SREBF2: variants seen among roughly 807,000 people sequenced by gnomAD.
The protein encoded by SREBF2 is sterol regulatory element binding transcription factor 2, also known as sterol regulatory element-binding protein 2.
A neutral mutation model predicts 113.1 loss-of-function variants in SREBF2; 55 were observed. The observed-to-expected ratio is 0.49, with a 90% CI of 0.39 to 0.61. The LOEUF is 0.61. Among genes scored for constraint, SREBF2 ranks in the 20% least tolerant of loss-of-function variants. The probability of loss-of-function intolerance (pLI) is 0.00; values close to 1 mark genes in which losing one functional copy is unlikely to be tolerated. For missense variants in SREBF2, 1,349 were observed against 1,487.4 expected (o/e 0.91, Z 1.53); for synonymous variants, 593 against 605.7 (o/e 0.98, Z 0.31).
chr22:41,856,080 G>A (rs931584163), intron 1 of SREBF2, among the ~76,000 whole-genome samples: 2 of 151,902 alleles, frequency 1.3e-5, no homozygotes, highest in African/African-American at 4.8e-5. Flanking sequence ...ACTTTAAAGA[G>A]GCATATAACG....
chr22:41,866,878 T>C lies in SREBF2; in HGVS notation c.136T>C (p.Phe46Leu). The C allele has an allele frequency of 6.2e-7, 1 of 1,614,210 alleles. No individual in the cohort carries two copies. Among genetic ancestry groups the C allele is most frequent in the Admixed American group, 1.7e-5 (1 of 60,016 alleles). The change falls in exon 2 of 19, where the codon TTT (phenylalanine) becomes CTT (leucine). Residue 46 changes from phenylalanine to leucine, a missense_variant. Around this residue, in one of 2 missense-constraint regions of SREBF2, gnomAD observed 699 missense variants for 843.3 expected, o/e 0.83. Coordinates refer to ENST00000361204, the MANE Select transcript of SREBF2 (RefSeq NM_004599.4). ...SNQVGEFPDL[F>L]SEQLCSSFPG... ...TCAAGTGGGAGAGTTCCCTGACTTG[T>C]TTTCAGAACAGCTGTGTAGCTCCTT...
At chr22:41,855,024 A>G (rs1283957472) in intron 1 of SREBF2, among the ~76,000 whole-genome samples, 2 of 151,948 alleles carry the variant, frequency 1.3e-5, no homozygotes, top group Non-Finnish European at 2.9e-5. Context: ...AGCATTAAAA[A>G]AAAAAAAAAA....
chr22:41,900,244 C>T (rs996048047), intron 15 of SREBF2, 86 bp from the exon 16 acceptor site: 8 of 1,573,098 alleles, frequency 5.1e-6, no homozygotes, highest in Middle Eastern at 2.0e-4. Context: ...CAGTGTGGGG[C>T]GTGGCAGTCA....
intron 11 of SREBF2, among the ~76,000 whole-genome samples, chr22:41,886,746 T>C (rs1249956714): frequency 6.6e-6 from 1 of 152,134 alleles, no homozygotes; most frequent in Non-Finnish European, 1.5e-5. Context: ...GAAGTCTGGC[T>C]GGGAGGGCCG....
chr22:41,899,529 G>A (rs2148418559), intron 15 of SREBF2: 2 of 991,926 alleles, frequency 2.0e-6, no homozygotes, highest in Non-Finnish European at 2.4e-6. Context: ...ACCCTTAACC[G>A]GCGCACAGGA....
At chr22:41,865,148 C>A (rs201395046) in intron 1 of SREBF2, among the ~76,000 whole-genome samples, 3 of 26,608 alleles carry the variant, frequency 1.1e-4, no homozygotes, top group Non-Finnish European at 1.1e-4. Flanking sequence ...CCCCAAAAAA[C>A]ACACACACAC....
intron 16 of SREBF2, chr22:41,901,081 A>G (rs183538821): frequency 1.5e-4 from 69 of 445,502 alleles, no homozygotes; most frequent in Non-Finnish European, 2.5e-4. Context: ...GGATCCTGAT[A>G]GAGGGCACTG....
At chr22:41,860,145 G>A (rs917210034) in intron 1 of SREBF2, among the ~76,000 whole-genome samples, 2 of 150,822 alleles carry the variant, frequency 1.3e-5, no homozygotes, top group Non-Finnish European at 3.0e-5. Flanking sequence ...CTTTTTTTCT[G>A]AACATATTAA....
chr22:41,836,336 ACT>A (rs1423060979), intron 1 of SREBF2, among the ~76,000 whole-genome samples: 2 of 152,120 alleles, frequency 1.3e-5, no homozygotes, highest in African/African-American at 4.8e-5. Flanking sequence ...GAGATGAGAA[ACT>A]CTAGTGCCAG....
At chr22:41,851,410 G>C (rs1042479701) in intron 1 of SREBF2, among the ~76,000 whole-genome samples, 10 of 151,820 alleles carry the variant, frequency 6.6e-5, no homozygotes, top group Admixed American at 5.2e-4. Context: ...TTGGGAGCCT[G>C]AGGCAGGAGG....
chr22:41,887,396 C>T (rs1431378584), intron 11 of SREBF2, among the ~76,000 whole-genome samples: 3 of 152,158 alleles, frequency 2.0e-5, no homozygotes, highest in African/African-American at 7.2e-5. Context: ...GCCCCTTCCC[C>T]CAAGCCTTCC....
At chr22:41,904,810 A>C in intron 17 of SREBF2, 53 bp from the exon 18 acceptor site, 1 of 1,410,368 alleles carries the variant, frequency 7.1e-7, no homozygotes, top group Admixed American at 2.0e-5. Context: ...TACCCTGGGC[A>C]TAGATGGGTG....
intron 1 of SREBF2, among the ~76,000 whole-genome samples, chr22:41,841,728 T>G (rs753178068): frequency 2.0e-5 from 3 of 152,254 alleles, no homozygotes; most frequent in Non-Finnish European, 4.4e-5. Context: ...AATTAGAACT[T>G]TGCAAATATC....
Position 41,899,402 on chromosome 22 carries a change from C to T in SREBF2, c.2738+621C>T, listed in dbSNP as rs1328546998. ...TGGGCAGCCCTGCCTGCTGACTCCC[C>T]GGCTGTTTCTAATTGGATCTGAGTA... is the stretch of plus-strand genomic sequence containing the variant. On this transcript the variant is annotated intron_variant, in intron 15 of 18. Coordinates refer to ENST00000361204, the MANE Select transcript of SREBF2 (RefSeq NM_004599.4). 35 of 1,001,942 alleles carry T rather than the reference C, an allele frequency of 3.5e-5. 1 individual carries two copies. Among genetic ancestry groups the T allele is most frequent in the South Asian group, 3.4e-4 (8 of 23,452 alleles). The allele number at this position is 1,001,942 out of a possible 1,614,324, so 62.1% of individuals were successfully genotyped here.
chr22:41,838,944 A>C (rs1415087740), intron 1 of SREBF2, among the ~76,000 whole-genome samples: 1 of 152,132 alleles, frequency 6.6e-6, no homozygotes, highest in Admixed American at 6.5e-5. Context: ...CCAGTTTGAC[A>C]GAGTACCCTG....
chr22:41,877,060 G>T (rs1229515924), intron 7 of SREBF2, among the ~76,000 whole-genome samples, 169 bp from the exon 8 acceptor site: 3 of 152,174 alleles, frequency 2.0e-5, no homozygotes, highest in African/African-American at 7.2e-5. Context: ...CAATGTTTGA[G>T]CAGCAGTTAG....
In SREBF2 at chr22:41,833,825, C is replaced by T. The variant is rs573762826; in HGVS notation, c.88+467C>T. ...CCCCCAGTCTCCGCGCCCCGAATCC[C>T]TGGGCTTCTCAGGATTGACCGACGG... On this transcript the variant is annotated intron_variant, in intron 1 of 18. Transcript: ENST00000361204. The surrounding 1 kb of genome is among the most constrained non-coding windows in gnomAD (Gnocchi z 4.1). 1 of 155,298 alleles carries T rather than the reference C, an allele frequency of 6.4e-6. No individual in the cohort carries two copies. Among genetic ancestry groups the T allele is most frequent in the African/African-American group, 2.4e-5 (1 of 41,692 alleles). 9.6% of individuals were successfully genotyped at this position (155,298 alleles called of 1,614,324 possible).
chr22:41,844,046 A>ACACACACACACG lies in SREBF2; in HGVS notation c.88+10699_88+10700insGCACACACACAC, dbSNP rs2076855496. On this transcript the variant is annotated intron_variant, in intron 1 of 18. Transcript: ENST00000361204. ...AAAAAAAATACATACACACACACACACACACACACACACACACACGTATAT... is the reference window on the plus strand; with the variant it reads ...AAAAAAAATACATACACACACACACACACACACACACGCACACACACACACACACACGTATAT... Among the ~76,000 whole-genome samples, 5 of 145,196 alleles carry ACACACACACACG rather than the reference A, an allele frequency of 3.4e-5. No homozygotes were observed. In the Middle Eastern group the frequency reaches 0.017, roughly 501 times the overall value.
At position 41,877,372 on chromosome 22, in the gene SREBF2, C is replaced by T. The variant is rs2077206170; in HGVS notation, c.1530C>T (p.Asp510=). The change falls in exon 8 of 19, where the codon GAC becomes GAT. Residue 510 remains aspartate (D), a synonymous_variant. Transcript: ENST00000361204. ...AGTGGGGAGGGGCCCACGACTCTGA[C>T]CAGCACCCACACTCAGGCTCTGGCC... ...LLQWGGAHDS[D]QHPHSGSGRS... The T allele has an allele frequency of 6.2e-7, 1 of 1,614,080 alleles. No individual in the cohort carries two copies. Among genetic ancestry groups the T allele is most frequent in the African/African-American group, 1.3e-5 (1 of 74,922 alleles).
Sources: gnomAD v4.1 joint callset for allele counts (sites outside exome capture counted in the v4.1 genomes callset) on GRCh38, gnomAD v4.1.1 for gene constraint, gnomAD v4.1.1 regional missense constraint, Gnocchi (gnomAD v3.1) non-coding constraint, MANE v1.5 for transcripts, NCBI Gene and HGNC (gene_info 2026-07-23, HGNC 2026-07-21) for gene names.